MAML3: variants seen among roughly 807,000 people sequenced by gnomAD.
The protein encoded by MAML3 is mastermind-like protein 3.
In MAML3, 27 loss-of-function variants were observed where a neutral mutation model predicts 101.9. That is an observed-to-expected ratio of 0.27 (90% CI 0.20 to 0.37). The LOEUF is 0.37. Among genes scored for constraint, MAML3 ranks in the 10% least tolerant of loss-of-function variants. MAML3 has a pLI of 1.00. For missense variants in MAML3, 1,316 were observed against 1,444.9 expected (o/e 0.91, Z 1.45); for synonymous variants, 501 against 555.9 (o/e 0.90, Z 1.39).
At position 140,003,446 on chromosome 4, in the gene MAML3, G is replaced by A. The variant is rs116375775; in HGVS notation, c.469-112479C>T. ...GGGGGGTAATAGGCTAGGGGACAGT[G>A]CAGGAAAGACAAGCAGACATGAGAA... is the stretch of plus-strand genomic sequence containing the variant. On this transcript the variant is annotated intron_variant, in intron 1 of 4. Transcript: ENST00000509479. Among the ~76,000 whole-genome samples the A allele has an allele frequency of 4.5e-3, 682 of 152,230 alleles. 11 individuals are homozygous for A. Among genetic ancestry groups the A allele is most frequent in the African/African-American group, 0.015 (639 of 41,526 alleles).
chr4:139,956,572 G>T (rs1325508751), intron 1 of MAML3, among the ~76,000 whole-genome samples: 2 of 152,206 alleles, frequency 1.3e-5, no homozygotes, highest in African/African-American at 4.8e-5. Context: ...TGAAAGGTTT[G>T]GCACAAAGCC....
At chr4:139,806,748 T>C (rs1008817216) in intron 2 of MAML3, among the ~76,000 whole-genome samples, 1 of 152,202 alleles carries the variant, frequency 6.6e-6, no homozygotes, top group African/African-American at 2.4e-5. Flanking sequence ...TATGCAGGCA[T>C]TAAAAATCAG....
chr4:139,898,694 G>A (rs1316841121), intron 1 of MAML3, among the ~76,000 whole-genome samples: 1 of 152,166 alleles, frequency 6.6e-6, no homozygotes, highest in Non-Finnish European at 1.5e-5. Context: ...ATCTGTTCTG[G>A]TCAAACTAGA....
At chr4:139,861,274 C>T (rs1435789999) in intron 2 of MAML3, among the ~76,000 whole-genome samples, 4 of 152,076 alleles carry the variant, frequency 2.6e-5, no homozygotes, top group Admixed American at 6.6e-5. Flanking sequence ...TGTTGGCATT[C>T]CCGAAGGCTC....
chr4:139,994,813 G>C (rs981888334), intron 1 of MAML3, among the ~76,000 whole-genome samples: 1 of 151,530 alleles, frequency 6.6e-6, no homozygotes, highest in Admixed American at 6.6e-5. Context: ...GTGTGTATGT[G>C]TATTCCTTAA....
intron 1 of MAML3, among the ~76,000 whole-genome samples, chr4:139,947,578 C>A (rs1007625053): frequency 6.6e-6 from 1 of 152,154 alleles, no homozygotes; most frequent in African/African-American, 2.4e-5. Context: ...TTGCAAAGCA[C>A]CCACATGTCC....
Position 140,135,641 on chromosome 4 carries a change from G to A in MAML3, c.468+17219C>T, listed in dbSNP as rs1027837735. 4.6e-5 allele frequency among the ~76,000 whole-genome samples: 7 copies of A among 152,340 alleles called. No homozygotes were observed. The South Asian group carries it at 1.0e-3, about 23-fold the overall frequency. On this transcript the variant is annotated intron_variant, in intron 1 of 4. Transcript: ENST00000509479. ...AGCCCTCTTGCCAATGAGACTAGAC[G>A]TCTCTGAAGAGCCACCATACACCCA...
At chr4:140,073,918 G>T (rs1024806248) in intron 1 of MAML3, among the ~76,000 whole-genome samples, 1 of 151,794 alleles carries the variant, frequency 6.6e-6, no homozygotes, top group Non-Finnish European at 1.5e-5. Flanking sequence ...CAGATCACGA[G>T]GTCAAGAGAT....
chr4:139,927,530 T>G (rs754275484), intron 1 of MAML3, among the ~76,000 whole-genome samples: 2 of 152,270 alleles, frequency 1.3e-5, no homozygotes, highest in Non-Finnish European at 2.9e-5. Flanking sequence ...CTATAACAGT[T>G]ATTTCCCCAA....
chr4:139,951,351 C>G (rs139744287), intron 1 of MAML3, among the ~76,000 whole-genome samples: 71 of 152,338 alleles, frequency 4.7e-4, no homozygotes, highest in South Asian at 1.7e-3. Context: ...TCAATGCACA[C>G]CAGCAAGGAA....
At chr4:139,951,873 G>A (rs751955646) in intron 1 of MAML3, among the ~76,000 whole-genome samples, 2 of 151,968 alleles carry the variant, frequency 1.3e-5, no homozygotes, top group African/African-American at 4.8e-5. Context: ...AGCTTACGAA[G>A]GGCTATTAGG....
chr4:139,889,455 C>T lies in MAML3; in HGVS notation c.1981G>A (p.Ala661Thr). The change falls in exon 2 of 5, where the codon GCA becomes ACA. Residue 661 changes from alanine (A) to threonine (T), a missense_variant. Physicochemically the swap from Ala to Thr is moderately conservative, Grantham distance 58. Coordinates refer to ENST00000509479, the MANE Select transcript of MAML3 (RefSeq NM_018717.5). ...CGTTTCTGGTCTTCGCTCAGGTGTG[C>T]CCTGGGGGCCTGGAGCTGTGGAGGT... ...PPPPQLQAPR[A>T]HLSEDQKRLL... The T allele has an allele frequency of 6.2e-7, 1 of 1,613,926 alleles. No individual in the cohort carries two copies. Among genetic ancestry groups the T allele is most frequent in the Non-Finnish European group, 8.5e-7 (1 of 1,179,882 alleles).
At chr4:139,766,758 A>C (rs1047057896) in intron 2 of MAML3, among the ~76,000 whole-genome samples, 1 of 152,212 alleles carries the variant, frequency 6.6e-6, no homozygotes, top group Non-Finnish European at 1.5e-5. Flanking sequence ...AGTCAAGGGA[A>C]GGTAAAGGTT....
intron 2 of MAML3, among the ~76,000 whole-genome samples, chr4:139,739,791 T>C (rs943162015): frequency 6.6e-6 from 1 of 150,514 alleles, no homozygotes; most frequent in African/African-American, 2.4e-5. Flanking sequence ...ACAAGAATTA[T>C]AAGGGATTTT....
intron 1 of MAML3, among the ~76,000 whole-genome samples, chr4:140,002,137 T>G (rs999476541): frequency 6.6e-6 from 1 of 152,202 alleles, no homozygotes; most frequent in African/African-American, 2.4e-5. Flanking sequence ...CCACGTTGTA[T>G]AATAGATCTC....
At chr4:140,069,688 GAAA>G (rs1394017040) in intron 1 of MAML3, among the ~76,000 whole-genome samples, 1 of 138,020 alleles carries the variant, frequency 7.2e-6, no homozygotes, top group African/African-American at 2.5e-5. Context: ...GAAAAAGAAA[GAAA>G]GAAGAAGAAG....
intron 1 of MAML3, among the ~76,000 whole-genome samples, chr4:139,925,261 AC>A (rs748588518): frequency 1.3e-5 from 2 of 151,924 alleles, no homozygotes; most frequent in Non-Finnish European, 2.9e-5. Context: ...ATGGAGTCTC[AC>A]TCTGTCGTGC....
intron 1 of MAML3, among the ~76,000 whole-genome samples, chr4:139,908,837 A>G (rs1732866033): frequency 6.6e-6 from 1 of 152,222 alleles, no homozygotes; most frequent in South Asian, 2.1e-4. Context: ...TCTATCTGAG[A>G]TTCGCAGAGA....
chr4:140,085,254 TAG>T (rs1191304620), intron 1 of MAML3, among the ~76,000 whole-genome samples: 1 of 152,156 alleles, frequency 6.6e-6, no homozygotes, highest in African/African-American at 2.4e-5. Context: ...GGGTAATGGG[TAG>T]TTAAACATTT....
Sources: gnomAD v4.1 joint callset for allele counts (sites outside exome capture counted in the v4.1 genomes callset) on GRCh38, gnomAD v4.1.1 for gene constraint, MANE v1.5 for transcripts, NCBI Gene and HGNC (gene_info 2026-07-23, HGNC 2026-07-21) for gene names.